OR51B5: variants seen among roughly 807,000 people sequenced by gnomAD.
OR51B5 encodes the protein olfactory receptor family 51 subfamily B member 5.
For missense variants in OR51B5, 456 were observed against 374.6 expected (o/e 1.22, Z -1.79); for synonymous variants, 186 against 144.8 (o/e 1.28, Z -2.04).
rs1416155105 is a variant in OR51B5, at chr11:5,351,978, A to G, written n.85-5068T>C. 3.7e-6 allele frequency: 6 copies of G among 1,613,326 alleles called. No homozygotes were observed. In the Admixed American group the frequency reaches 5.0e-5, roughly 13 times the overall value. On this transcript the variant is annotated intron_variant and non_coding_transcript_variant, in intron 1 of 4. Transcript: ENST00000415970. ...GGGCTGGTCTGTCCATTATGCCAAT[A>G]GTTGTTCGCCTACACTGGTTTCCCT... is the stretch of plus-strand genomic sequence containing the variant.
chr11:5,488,654 C>T, intron 1 of OR51B5: 2 of 1,183,386 alleles, frequency 1.7e-6, no homozygotes, highest in South Asian at 2.8e-5. Flanking sequence ...TCTGATGTTA[C>T]AGGGCAAGCA....
At chr11:5,505,542 T>G in intron 1 of OR51B5, 1 of 1,148,898 alleles carries the variant, frequency 8.7e-7, no homozygotes, top group Non-Finnish European at 1.1e-6. Context: ...GGGCAATTTA[T>G]AAAAGAAAGA....
At chr11:5,417,381 T>C (rs549422706) in intron 1 of OR51B5, among the ~76,000 whole-genome samples, 1 of 151,970 alleles carries the variant, frequency 6.6e-6, no homozygotes, top group Non-Finnish European at 1.5e-5. Context: ...GGACTTCAGG[T>C]CTAAAACACC....
chr11:5,462,113 G>C (rs1851064915), intron 1 of OR51B5, among the ~76,000 whole-genome samples: 1 of 152,158 alleles, frequency 6.6e-6, no homozygotes, highest in South Asian at 2.1e-4. Flanking sequence ...AAAAATATGT[G>C]AATAATAAAG....
At chr11:5,414,501 A>C (rs1003899358) in intron 1 of OR51B5, among the ~76,000 whole-genome samples, 2 of 152,066 alleles carry the variant, frequency 1.3e-5, no homozygotes, top group Non-Finnish European at 2.9e-5. Context: ...TTGGATAAAG[A>C]GTCAAGACCC....
chr11:5,449,045 A>G (rs1486847558), intron 1 of OR51B5, among the ~76,000 whole-genome samples: 1 of 152,250 alleles, frequency 6.6e-6, no homozygotes, highest in African/African-American at 2.4e-5. Context: ...ACATAAAGCC[A>G]GAATCTCTTA....
intron 1 of OR51B5, among the ~76,000 whole-genome samples, chr11:5,457,009 C>T (rs776797012): frequency 2.6e-5 from 4 of 152,128 alleles, no homozygotes; most frequent in East Asian, 1.9e-4. Context: ...TCCCAGAAGC[C>T]GAGCCTATGC....
In OR51B5 at chr11:5,422,942, C is replaced by A. The variant is rs143597541; in HGVS notation, n.85-76032G>T. The A allele has an allele frequency of 2.0e-3, 3,238 of 1,614,118 alleles. 4 individuals carry two copies. Among genetic ancestry groups the A allele is most frequent in the Non-Finnish European group, 2.5e-3 (2,903 of 1,179,978 alleles). ...CCTCAATAACTGCCTGTCCCACATT[C>A]TAGCTGTCCTGGTCCTCTACATTCC... On this transcript the variant is annotated intron_variant and non_coding_transcript_variant, in intron 1 of 4. Coordinates refer to the OR51B5 transcript ENST00000415970.
At chr11:5,340,511 T>C (rs1312747771), downstream of OR51B5, 3 of 152,116 alleles carry the variant, frequency 2.0e-5, no homozygotes, top group Non-Finnish European at 4.4e-5. Context: ...AAAAATTCTT[T>C]TTAAAAAAGT....
intron 1 of OR51B5, among the ~76,000 whole-genome samples, chr11:5,450,420 TA>T (rs1368780585): frequency 1.3e-5 from 2 of 152,028 alleles, no homozygotes; most frequent in Non-Finnish European, 2.9e-5. Flanking sequence ...AATTAATGAA[TA>T]AAAATAAGAC....
chr11:5,354,075 C>G (rs1490087237), intron 1 of OR51B5, among the ~76,000 whole-genome samples: 1 of 152,024 alleles, frequency 6.6e-6, no homozygotes, highest in Non-Finnish European at 1.5e-5. Flanking sequence ...CTCACATAGA[C>G]CATTTTTAAC....
intron 1 of OR51B5, chr11:5,456,265 C>T (rs1002299353): frequency 6.6e-6 from 1 of 152,120 alleles, no homozygotes; most frequent in Non-Finnish European, 1.5e-5. Flanking sequence ...GCCTCTGGCT[C>T]CTTTGTACCT....
chr11:5,398,275 C>T (rs1849911780), intron 1 of OR51B5, among the ~76,000 whole-genome samples: 1 of 152,280 alleles, frequency 6.6e-6, no homozygotes, highest in Middle Eastern at 3.4e-3. Context: ...CTATTACACT[C>T]ATTTCACAAA....
At chr11:5,359,140 C>T (rs1849240501) in intron 1 of OR51B5, among the ~76,000 whole-genome samples, 1 of 152,006 alleles carries the variant, frequency 6.6e-6, no homozygotes, top group South Asian at 2.1e-4. Context: ...GAATTTCTGG[C>T]CAGGGCAATT....
At chr11:5,414,852 A>G (rs1850214145) in intron 1 of OR51B5, among the ~76,000 whole-genome samples, 1 of 152,246 alleles carries the variant, frequency 6.6e-6, no homozygotes, top group Admixed American at 6.5e-5. Context: ...CACTGTCAAC[A>G]TTAGATAGAT....
intron 1 of OR51B5, among the ~76,000 whole-genome samples, chr11:5,475,101 C>A (rs191963201): frequency 6.6e-6 from 1 of 152,250 alleles, no homozygotes; most frequent in East Asian, 1.9e-4. Flanking sequence ...TGACGTCTTA[C>A]CAGTCCTACA....
At chr11:5,445,600 AT>A (rs1850748706) in intron 1 of OR51B5, among the ~76,000 whole-genome samples, 1 of 151,886 alleles carries the variant, frequency 6.6e-6, no homozygotes, top group Non-Finnish European at 1.5e-5. Flanking sequence ...GAACATAAAT[AT>A]TTAAAAACTA....
intron 1 of OR51B5, among the ~76,000 whole-genome samples, chr11:5,419,099 A>G (rs1850290667): frequency 6.6e-6 from 1 of 152,150 alleles, no homozygotes; most frequent in East Asian, 1.9e-4. Context: ...AATTGTCTAA[A>G]ATATTCCCCT....
Position 5,487,461 on chromosome 11 carries a change from A to G in OR51B5, n.84+18108T>C, listed in dbSNP as rs151049932. On this transcript the variant is annotated intron_variant and non_coding_transcript_variant, in intron 1 of 4. Coordinates refer to the OR51B5 transcript ENST00000415970. ...AATGCCACATAGTGAGCAGACAGAA[A>G]ATCAGAGAATGACTACATTCATTGC... Among the ~76,000 whole-genome samples the G allele has an allele frequency of 2.8e-4, 43 of 152,300 alleles. No homozygotes were observed. In the East Asian group the frequency reaches 8.1e-3, roughly 29 times the overall value.
Sources: gnomAD v4.1 joint callset for allele counts (sites outside exome capture counted in the v4.1 genomes callset) on GRCh38, gnomAD v4.1.1 for gene constraint, MANE v1.5 for transcripts, NCBI Gene and HGNC (gene_info 2026-07-23, HGNC 2026-07-21) for gene names.